RGS7: variants seen among roughly 807,000 people sequenced by gnomAD.
RGS7 encodes the protein regulator of G-protein signaling 7.
A neutral mutation model predicts 81.1 loss-of-function variants in RGS7; 27 were observed. The ratio of observed to expected loss-of-function variants is 0.33; its 90% CI spans 0.25 to 0.46. RGS7 has a LOEUF of 0.46. Among genes scored for constraint, RGS7 ranks in the 20% least tolerant of loss-of-function variants. The pLI, the probability that RGS7 is intolerant of heterozygous loss-of-function variation, is 1.00. For synonymous variants in RGS7, 208 were observed against 207.7 expected, an observed-to-expected ratio of 1.00 and a Z score of -0.01; for missense variants, 396 against 607.4, an observed-to-expected ratio of 0.65 and a Z score of 3.66.
intron 2 of RGS7, among the ~76,000 whole-genome samples, chr1:241,211,513 T>G (rs2074242204): frequency 6.6e-6 from 1 of 152,170 alleles, no homozygotes; most frequent in Non-Finnish European, 1.5e-5. Context: ...TTCCTTTAAG[T>G]GTCCTCTGTA....
chr1:241,084,628 A>C (rs546341097), intron 3 of RGS7, among the ~76,000 whole-genome samples: 1 of 152,314 alleles, frequency 6.6e-6, no homozygotes, highest in Non-Finnish European at 1.5e-5. Context: ...TTCTGACCTC[A>C]AATTTTGCTC....
chr1:241,327,146 GGA>G (rs1558321922), intron 2 of RGS7, among the ~76,000 whole-genome samples: 27 of 92,248 alleles, frequency 2.9e-4, no homozygotes, highest in Non-Finnish European at 6.1e-4. Context: ...AAGAAAGAAA[GGA>G]AAGAAAGAAA....
intron 6 of RGS7, chr1:240,919,843 T>C (rs1673213990): frequency 3.8e-6 from 3 of 792,440 alleles, no homozygotes; most frequent in Non-Finnish European, 6.7e-6. Flanking sequence ...TAGGCCACTG[T>C]GGAGAATGGG....
chr1:241,351,426 A>AG (rs1385338709), intron 2 of RGS7, among the ~76,000 whole-genome samples: 1 of 151,198 alleles, frequency 6.6e-6, no homozygotes, highest in Non-Finnish European at 1.5e-5. Context: ...CTTTATTTAA[A>AG]AAAAAAAAAA....
Position 241,327,089 on chromosome 1 carries a change from A to T in RGS7, c.78+28610T>A, listed in dbSNP as rs2081595894. The stretch of plus-strand genomic sequence containing the variant: ...GGAAGGAAGGAAGGAAGAGAAAGAA[A>T]GAAAGAAAGAAAGAAAGAAAGAAAG... On this transcript the variant is annotated intron_variant, in intron 2 of 18. Transcript: ENST00000440928. Among the ~76,000 whole-genome samples, 3 of 37,128 alleles carry T rather than the reference A, an allele frequency of 8.1e-5. 1 individual carries two copies. Among genetic ancestry groups the T allele is most frequent in the African/African-American group, 3.5e-4 (3 of 8,534 alleles). The allele number at this position is 37,128 out of a possible 152,430, so 24.4% of individuals were successfully genotyped here. A position where few individuals can be genotyped will look rare whatever the true frequency, so the allele number is the denominator to read the frequency against.
At chr1:240,924,454 G>A (rs943215923) in intron 6 of RGS7, among the ~76,000 whole-genome samples, 6 of 152,108 alleles carry the variant, frequency 3.9e-5, no homozygotes, top group Non-Finnish European at 7.4e-5. Flanking sequence ...AAGATAATGC[G>A]ATGTTTTGAA....
intron 2 of RGS7, among the ~76,000 whole-genome samples, chr1:241,282,925 T>C (rs894793957): frequency 2.0e-5 from 3 of 152,224 alleles, no homozygotes; most frequent in Non-Finnish European, 4.4e-5. Flanking sequence ...TATCTGCTTA[T>C]CATTATATTT....
chr1:241,225,586 G>C (rs1164784080), intron 2 of RGS7, among the ~76,000 whole-genome samples: 2 of 152,160 alleles, frequency 1.3e-5, no homozygotes, highest in Non-Finnish European at 2.9e-5. Context: ...TGAATGGGGA[G>C]GCTATGGATG....
At chr1:240,928,577 G>A (rs1674866396) in intron 6 of RGS7, among the ~76,000 whole-genome samples, 1 of 150,828 alleles carries the variant, frequency 6.6e-6, no homozygotes, top group South Asian at 2.1e-4. Flanking sequence ...AAGAAACACT[G>A]AGAATGGGAA....
chr1:241,145,429 T>C (rs1396839713), intron 2 of RGS7, among the ~76,000 whole-genome samples: 2 of 152,202 alleles, frequency 1.3e-5, no homozygotes, highest in Non-Finnish European at 2.9e-5. Flanking sequence ...AAGCCAGATT[T>C]TAAACATGAG....
At chr1:240,904,341 T>C (rs1007643392) in intron 6 of RGS7, among the ~76,000 whole-genome samples, 5 of 152,224 alleles carry the variant, frequency 3.3e-5, no homozygotes, top group Non-Finnish European at 5.9e-5. Context: ...CTGCTGCATT[T>C]TGTGTGTGGT....
intron 5 of RGS7, among the ~76,000 whole-genome samples, chr1:240,932,849 G>A (rs1180234535): frequency 9.3e-5 from 13 of 140,058 alleles, no homozygotes; most frequent in African/African-American, 3.1e-4. Flanking sequence ...GGTTTTATAA[G>A]AGATATATTT....
At chr1:240,975,893 TCA>T (rs1179726667) in intron 4 of RGS7, among the ~76,000 whole-genome samples, 2 of 151,896 alleles carry the variant, frequency 1.3e-5, no homozygotes, top group Admixed American at 1.3e-4. Flanking sequence ...CCCAATTTGC[TCA>T]CACAGTCCTG....
intron 3 of RGS7, among the ~76,000 whole-genome samples, chr1:241,091,755 T>C (rs962493168): frequency 1.4e-4 from 21 of 150,534 alleles, no homozygotes; most frequent in African/African-American, 4.4e-4. Context: ...GATGTGTTGG[T>C]GCATGCCTGT....
chr1:241,128,512 G>A (rs1479954241), intron 2 of RGS7, among the ~76,000 whole-genome samples: 5 of 145,766 alleles, frequency 3.4e-5, no homozygotes, highest in East Asian at 2.1e-4. Flanking sequence ...GCTTGAACCC[G>A]GGGCGGAGGT....
rs142198054 is a variant in RGS7 at position 240,868,039 on chromosome 1, A to AAAAGAAAGAAAGAAAGAAAGAAAGAAAG, written c.609+547_609+548insCTTTCTTTCTTTCTTTCTTTCTTTCTTT. Among the ~76,000 whole-genome samples, 32 of 150,852 alleles carry AAAAGAAAGAAAGAAAGAAAGAAAGAAAG rather than the reference A, an allele frequency of 2.1e-4. No homozygotes were observed. Among genetic ancestry groups the AAAAGAAAGAAAGAAAGAAAGAAAGAAAG allele is most frequent in the African/African-American group, 7.5e-4 (31 of 41,084 alleles). On this transcript the variant is annotated intron_variant, in intron 9 of 18. Coordinates refer to ENST00000440928, the MANE Select transcript of RGS7 (RefSeq NM_001364886.1). The surrounding 1 kb of genome is among the most constrained non-coding windows in gnomAD (Gnocchi z 5.1). ...AGAAAGAAAGAAAAGAAAAGAAGAGAAAAGAAAGAAAGAAAGAAAGAAAAG... is the reference window on the plus strand; with the variant it reads ...AGAAAGAAAGAAAAGAAAAGAAGAGAAAAGAAAGAAAGAAAGAAAGAAAGAAAGAAAGAAAGAAAGAAAGAAAGAAAAG...
intron 6 of RGS7, among the ~76,000 whole-genome samples, chr1:240,877,718 C>T (rs573998200): frequency 1.4e-4 from 22 of 152,126 alleles, no homozygotes; most frequent in Non-Finnish European, 2.4e-4. Context: ...TGAACATACA[C>T]GCATGTATAT....
chr1:241,278,349 C>G (rs900588575), intron 2 of RGS7, among the ~76,000 whole-genome samples: 1 of 152,142 alleles, frequency 6.6e-6, no homozygotes, highest in Non-Finnish European at 1.5e-5. Context: ...TTTTTAGATG[C>G]ACGTTTTCTA....
intron 6 of RGS7, among the ~76,000 whole-genome samples, chr1:240,911,517 CT>C (rs1378812745): frequency 6.6e-6 from 1 of 152,172 alleles, no homozygotes; most frequent in Non-Finnish European, 1.5e-5. Context: ...TAACTATAAC[CT>C]GACTCTAGTG....
Sources: gnomAD v4.1 joint callset for allele counts (sites outside exome capture counted in the v4.1 genomes callset) on GRCh38, gnomAD v4.1.1 for gene constraint, Gnocchi (gnomAD v3.1) non-coding constraint, MANE v1.5 for transcripts, NCBI Gene and HGNC (gene_info 2026-07-23, HGNC 2026-07-21) for gene names.